SORBS2: variants seen among roughly 807,000 people sequenced by gnomAD.
The protein encoded by SORBS2 is sorbin and SH3 domain-containing protein 2.
Under a neutral mutation model 97.7 loss-of-function variants are expected in SORBS2, and 46 were observed. That is an observed-to-expected ratio of 0.47 (90% confidence interval 0.37 to 0.60). The LOEUF is 0.60. Among genes scored for constraint, SORBS2 ranks in the 20% least tolerant of loss-of-function variants. SORBS2 has a pLI of 0.00. For missense variants in SORBS2, 1,316 were observed against 1,282.3 expected (o/e 1.03, Z -0.40); for synonymous variants, 476 against 473.4 (o/e 1.01, Z -0.07).
chr4:185,615,019 C>G, intron 10 of SORBS2, 26 bp downstream of exon 22: 1 of 1,613,198 alleles, frequency 6.2e-7, no homozygotes, highest in South Asian at 1.1e-5. Flanking sequence ...CCACCGCCAT[C>G]CAAGAGAGAA....
chr4:185,839,398 C>T (rs1200414807), intron 1 of SORBS2, among the ~76,000 whole-genome samples: 1 of 152,202 alleles, frequency 6.6e-6, no homozygotes. Context: ...TTACCCAGGA[C>T]TCATTTCCTT....
intron 1 of SORBS2, among the ~76,000 whole-genome samples, chr4:185,888,999 G>A (rs780287975): frequency 6.6e-6 from 1 of 152,240 alleles, no homozygotes; most frequent in Non-Finnish European, 1.5e-5. Context: ...GCAGGCGACT[G>A]CTGTCATTAT....
intron 1 of SORBS2, among the ~76,000 whole-genome samples, chr4:185,901,089 A>G (rs2149830539): frequency 6.6e-6 from 1 of 152,336 alleles, no homozygotes; most frequent in Non-Finnish European, 1.5e-5. Context: ...GTTTTAAATT[A>G]TGATGCCATT....
chr4:185,856,983 C>T (rs1289634869), intron 1 of SORBS2, among the ~76,000 whole-genome samples: 1 of 152,136 alleles, frequency 6.6e-6, no homozygotes, highest in East Asian at 1.9e-4. Context: ...GATCTAATCA[C>T]CTCCCACCAA....
chr4:185,604,043 T>C (rs909478326), intron 12 of SORBS2, among the ~76,000 whole-genome samples: 1 of 152,226 alleles, frequency 6.6e-6, no homozygotes, highest in Admixed American at 6.5e-5. Context: ...TGGCAGGCAC[T>C]GAGCTAAGAT....
intron 4 of SORBS2, among the ~76,000 whole-genome samples, chr4:185,644,540 G>A (rs539247661): frequency 6.6e-6 from 1 of 152,306 alleles, no homozygotes; most frequent in South Asian, 2.1e-4. Flanking sequence ...AGTGCACCAG[G>A]CATCAGTATG....
intron 2 of SORBS2, among the ~76,000 whole-genome samples, chr4:185,679,131 C>G (rs912789073): frequency 6.6e-6 from 1 of 152,042 alleles, no homozygotes; most frequent in Non-Finnish European, 1.5e-5. Flanking sequence ...TTCTAAATAT[C>G]AAATTAAAGG....
In SORBS2 at chr4:185,631,850, A is replaced by G. The variant is rs142587482; in HGVS notation, c.397-1252T>C. 2.6e-4 allele frequency among the ~76,000 whole-genome samples: 40 copies of G among 152,358 alleles called. 1 individual carries two copies. The East Asian group carries it at 6.5e-3, about 25-fold the overall frequency. On this transcript the variant is annotated intron_variant, in intron 4 of 14. Transcript: ENST00000418609. ...AGAAAGTATAGGGAGATGTATACCA[A>G]GTATAGATAGTTTTGCCTTTGGTCA...
rs922056200 is a variant in SORBS2 at position 185,776,770 on chromosome 4, C to T, written c.-337-1404G>A. Reference sequence around the variant, plus strand: ...AAAAAATTAGCAGGATGTCGTGGCACGCGCCTGTAGTCCCAGCTACTTGGG... The same window carrying T: ...AAAAAATTAGCAGGATGTCGTGGCATGCGCCTGTAGTCCCAGCTACTTGGG... On this transcript the variant is annotated intron_variant, in intron 1 of 20. Transcript: ENST00000284776. Among the ~76,000 whole-genome samples, 280 of 151,782 alleles carry T rather than the reference C, an allele frequency of 1.8e-3. 4 individuals are homozygous for T. Among genetic ancestry groups the T allele is most frequent in the Non-Finnish European group, 7.8e-4 (53 of 67,920 alleles).
At position 185,587,696 on chromosome 4, in the gene SORBS2, T is replaced by C; in HGVS notation, c.2954-8A>G. 6.2e-7 allele frequency: 1 copy of C among 1,610,152 alleles called. No individual in the cohort carries two copies. Among genetic ancestry groups the C allele is most frequent in the Non-Finnish European group, 8.5e-7 (1 of 1,177,266 alleles). ...TGGTTCTTCTTGAGGTCCCTGAAAA[T>C]AGAAGCGAGTCATGAAAGGGGGGTG... is the stretch of plus-strand genomic sequence containing the variant. On this transcript the variant is annotated splice_polypyrimidine_tract_variant and splice_region_variant and intron_variant, in intron 14 of 14. Transcript: ENST00000418609.
At chr4:185,847,274 G>C (rs57378513) in intron 1 of SORBS2, among the ~76,000 whole-genome samples, 34,755 of 152,034 alleles carry the variant, frequency 0.23, 4,485 homozygotes, top group Middle Eastern at 0.34. Flanking sequence ...ATCTAATTTT[G>C]TTATTTCTCC....
At chr4:185,668,395 G>A (rs1215389500) in intron 4 of SORBS2, among the ~76,000 whole-genome samples, 3 of 152,200 alleles carry the variant, frequency 2.0e-5, no homozygotes, top group Non-Finnish European at 4.4e-5. Context: ...TTTAATGCAC[G>A]TGTGTGTATG....
intron 4 of SORBS2, 102 bp from the exon 14 acceptor site, chr4:185,639,137 G>C: frequency 9.1e-7 from 1 of 1,099,562 alleles, no homozygotes; most frequent in African/African-American, 1.7e-5. Flanking sequence ...TAGGCCGGGA[G>C]GGGAGAGGCC....
At chr4:185,620,638 G>A (rs534778755) in intron 7 of SORBS2, among the ~76,000 whole-genome samples, 31 of 152,190 alleles carry the variant, frequency 2.0e-4, no homozygotes, top group African/African-American at 7.0e-4. Context: ...ACCAAAGAAA[G>A]TATGAGGATG....
upstream of SORBS2, among the ~76,000 whole-genome samples, chr4:185,661,830 C>T (rs946572588): frequency 9.2e-5 from 14 of 152,332 alleles, no homozygotes; most frequent in East Asian, 2.5e-3. Context: ...CACAAACCCC[C>T]TTGCCCTAAG....
At chr4:185,688,587 T>A (rs1251039040) in intron 2 of SORBS2, among the ~76,000 whole-genome samples, 1 of 152,120 alleles carries the variant, frequency 6.6e-6, no homozygotes, top group Non-Finnish European at 1.5e-5. Context: ...AAATAACTTG[T>A]GGGGCCACTT....
chr4:185,706,287 T>G (rs10004511), intron 2 of SORBS2, among the ~76,000 whole-genome samples: 34,469 of 152,130 alleles, frequency 0.23, 4,765 homozygotes, highest in Non-Finnish European at 0.3. Flanking sequence ...AGAAAAATTC[T>G]CAGTACATGG....
intron 1 of SORBS2, among the ~76,000 whole-genome samples, chr4:185,778,603 C>T (rs910724547): frequency 6.6e-6 from 1 of 152,136 alleles, no homozygotes; most frequent in South Asian, 2.1e-4. Context: ...TTTACAAACA[C>T]CAGTACCCCG....
chr4:185,953,044 G>C (rs565177649), intron 1 of SORBS2, among the ~76,000 whole-genome samples: 2 of 152,332 alleles, frequency 1.3e-5, no homozygotes, highest in African/African-American at 4.8e-5. Context: ...GCCGGGCGCG[G>C]TGGCTCACGC....
Sources: gnomAD v4.1 joint callset for allele counts (sites outside exome capture counted in the v4.1 genomes callset) on GRCh38, gnomAD v4.1.1 for gene constraint, MANE v1.5 for transcripts, NCBI Gene and HGNC (gene_info 2026-07-23, HGNC 2026-07-21) for gene names.